The following MCOLN1 variants were observed in gnomAD, a reference collection of about 807,000 sequenced individuals.
MCOLN1 encodes the protein mucolipin TRP cation channel 1, also known as mucolipin-1.
MCOLN1 carries 50 observed loss-of-function variants against 70.3 expected under a neutral mutation model. The observed-to-expected ratio is 0.71, with a 90% CI of 0.57 to 0.90. The LOEUF (loss-of-function observed/expected upper bound fraction) is 0.90, where lower values mean the gene tolerates loss of function less well. Among genes scored for constraint, MCOLN1 ranks in the 40% least tolerant of loss-of-function variants. The probability of loss-of-function intolerance (pLI) is 0.00; values close to 1 mark genes in which losing one functional copy is unlikely to be tolerated. For synonymous variants in MCOLN1, 366 were observed against 341.0 expected, an observed-to-expected ratio of 1.07 and a Z score of -0.81; for missense variants, 598 against 803.5, an observed-to-expected ratio of 0.74 and a Z score of 3.09.
In MCOLN1 at chr19:7,529,696, G is replaced by A. The variant is rs1281289805; in HGVS notation, c.1343G>A (p.Gly448Glu). 1 of 1,614,140 alleles carries A rather than the reference G, an allele frequency of 6.2e-7. No homozygotes were observed. Among genetic ancestry groups the A allele is most frequent in the Non-Finnish European group, 8.5e-7 (1 of 1,179,990 alleles). ...TGCTTCTGTGGCTGGATCGTGCTGG[G>A]GCCCTATCATGTGAAGGTACATCTA... The part of the protein sequence containing the change: ...GYCFCGWIVL[G>E]PYHVKFRSLS... The change falls in exon 11 of 14, where the codon GGG becomes GAG. Residue 448 changes from glycine to glutamate, a missense_variant. Gly to Glu is a moderately conservative substitution (Grantham distance 98). Transcript: ENST00000264079.
intron 12 of MCOLN1, among the ~76,000 whole-genome samples, chr19:7,532,868 C>T (rs1599257588): frequency 2.0e-5 from 3 of 152,326 alleles, no homozygotes; most frequent in African/African-American, 7.2e-5. Flanking sequence ...ATACTTCCAT[C>T]GCCTCTAGAC....
In MCOLN1 at chr19:7,526,565, C is replaced by T. The variant is rs144305157; in HGVS notation, c.364C>T (p.Arg122Trp). ...GADDTFAAYT[R>W]EQLYQAIFHA... Reference sequence around the variant, plus strand: ...GGATGACACCTTCGCAGCCTACACGCGGGAGCAGCTGTACCAGGCCATCTT... The same window carrying T: ...GGATGACACCTTCGCAGCCTACACGTGGGAGCAGCTGTACCAGGCCATCTT... Residue 122 changes from arginine to tryptophan, a missense_variant, in exon 3 of 14, where the codon CGG becomes TGG. Arg to Trp is a moderately radical substitution (Grantham distance 101, BLOSUM62 -3). Around this residue, in one of 3 missense-constraint regions of MCOLN1, gnomAD observed 461 missense variants for 588.4 expected, o/e 0.78. Coordinates refer to ENST00000264079, the MANE Select transcript of MCOLN1 (RefSeq NM_020533.3). This position sits in a 1 kb window ranked among gnomAD's most constrained non-coding sequence, Gnocchi z 4.6. 1.7e-5 allele frequency: 27 copies of T among 1,613,902 alleles called. No individual in the cohort carries two copies. Among genetic ancestry groups the T allele is most frequent in the South Asian group, 3.3e-5 (3 of 91,080 alleles).
At position 7,528,863 on chromosome 19, in the gene MCOLN1, A is replaced by G; in HGVS notation, c.1027A>G (p.Ser343Gly). ...GTGGCGGCAGCGGGGACGGGTCATC[A>G]GCCTGTGGGAGCGGCTGGAATTTGT... ...FMWRQRGRVI[S>G]LWERLEFVNG... The change falls in exon 9 of 14, where the codon AGC (serine) becomes GGC (glycine). Residue 343 changes from serine to glycine, a missense_variant. Coordinates refer to ENST00000264079, the MANE Select transcript of MCOLN1 (RefSeq NM_020533.3). The surrounding 1 kb of genome is among the most constrained non-coding windows in gnomAD (Gnocchi z 4.2). 2 of 1,614,204 alleles carry G rather than the reference A, an allele frequency of 1.2e-6. No individual in the cohort carries two copies. Among genetic ancestry groups the G allele is most frequent in the South Asian group, 2.2e-5 (2 of 91,088 alleles).
chr19:7,528,425 C>T lies in MCOLN1; in HGVS notation c.877+168C>T, dbSNP rs1175364219. Among the ~76,000 whole-genome samples, 1 of 152,196 alleles carries T rather than the reference C, an allele frequency of 6.6e-6. No homozygotes were observed. Among genetic ancestry groups the T allele is most frequent in the Non-Finnish European group, 1.5e-5 (1 of 68,030 alleles). On this transcript the variant is annotated intron_variant, in intron 7 of 13. Coordinates refer to ENST00000264079, the MANE Select transcript of MCOLN1 (RefSeq NM_020533.3). This position sits in a 1 kb window ranked among gnomAD's most constrained non-coding sequence, Gnocchi z 4.2. ...CGTCCTGTGCTGAGATCCCCCAAGC[C>T]CCAGACCAGCACTGACCGGGGTTCT...
In MCOLN1 at chr19:7,528,312, A is replaced by G. The variant is rs1167266035; in HGVS notation, c.877+55A>G. On this transcript the variant is annotated intron_variant, in intron 7 of 13. Coordinates refer to ENST00000264079, the MANE Select transcript of MCOLN1 (RefSeq NM_020533.3). This position sits in a 1 kb window ranked among gnomAD's most constrained non-coding sequence, Gnocchi z 4.2. ...ACCAGGGGCCCTGGCCTGTCCTGGG[A>G]TTCCCCAAGCCCCAGATCAGCGCTG... 13 of 1,537,214 alleles carry G rather than the reference A, an allele frequency of 8.5e-6. No homozygotes were observed. Among genetic ancestry groups the G allele is most frequent in the Non-Finnish European group, 9.9e-6 (11 of 1,111,850 alleles).
Position 7,528,617 on chromosome 19 carries a change from C to T in MCOLN1, c.898C>T (p.Leu300=), listed in dbSNP as rs1257662413. The T allele has an allele frequency of 1.2e-6, 2 of 1,614,268 alleles. No homozygotes were observed. The highest frequency in any genetic ancestry group is 1.7e-6 in the Non-Finnish European group (2 of 1,180,046). The change falls in exon 8 of 14, where the codon CTG becomes TTG. Residue 300 remains leucine, a synonymous_variant. Coordinates refer to ENST00000264079, the MANE Select transcript of MCOLN1 (RefSeq NM_020533.3). This position sits in a 1 kb window ranked among gnomAD's most constrained non-coding sequence, Gnocchi z 4.2. The part of the protein sequence containing the change: ...FQHGDNSFRL[L]FDVVVILTCS... ...CGCAGGAGACAACAGCTTCCGGCTCCTGTTTGACGTGGTGGTCATCCTCAC... is the reference window on the plus strand; with the variant it reads ...CGCAGGAGACAACAGCTTCCGGCTCTTGTTTGACGTGGTGGTCATCCTCAC...
chr19:7,522,630 C>G lies in MCOLN1; in HGVS notation c.-121C>G. 9.5e-7 allele frequency: 1 copy of G among 1,056,708 alleles called. No homozygotes were observed. The highest frequency in any genetic ancestry group is 1.8e-5 in the South Asian group (1 of 55,184). The allele number at this position is 1,056,708 out of a possible 1,614,324, so 65.5% of individuals were successfully genotyped here. A position where few individuals can be genotyped will look rare whatever the true frequency, so the allele number is the denominator to read the frequency against. ...CGGGTCACGTGACCGAGGCACAGAT[C>G]AGCTGATGCCGGAGGGTTTGAAGCC... On this transcript the variant is annotated 5_prime_UTR_variant, in exon 1 of 14. In the 5' UTR this introduces an upstream ATG that the reference lacks. Transcript: ENST00000264079.
In MCOLN1 at chr19:7,533,571, GCA is replaced by G; in HGVS notation, c.1627_1628del (p.Gln543ValfsTer64). On this transcript the variant is annotated frameshift_variant, in exon 13 of 14. Coordinates refer to ENST00000264079, the MANE Select transcript of MCOLN1 (RefSeq NM_020533.3). LOFTEE classifies it high-confidence loss of function. ...AEESELQAYI[A>X]QCQDSPTSGK... ...GGAGAGCGAGCTGCAGGCCTACATC[GCA>G]CAGTGCCAGGACAGCCCCACCTCCG... The G allele has an allele frequency of 1.2e-6, 2 of 1,612,630 alleles. No homozygotes were observed. The highest frequency in any genetic ancestry group is 2.2e-5 in the East Asian group (1 of 44,892).
In MCOLN1 at chr19:7,526,733, C is replaced by T; in HGVS notation, c.406-28C>T. ...TGGGCTGCAGAGAGCGGGCCGGACT[C>T]ACAGGCCCTCCCCTTCTCTGCCCAC... On this transcript the variant is annotated intron_variant, in intron 3 of 13. Coordinates refer to ENST00000264079, the MANE Select transcript of MCOLN1 (RefSeq NM_020533.3). This position sits in a 1 kb window ranked among gnomAD's most constrained non-coding sequence, Gnocchi z 4.6. The T allele has an allele frequency of 6.2e-7, 1 of 1,612,380 alleles. No homozygotes were observed. The highest frequency in any genetic ancestry group is 8.5e-7 in the Non-Finnish European group (1 of 1,179,964).
Position 7,526,845 on chromosome 19 carries a change from G to A in MCOLN1, c.490G>A (p.Ala164Thr), listed in dbSNP as rs199940548. 1.4e-4 allele frequency: 227 copies of A among 1,614,092 alleles called. No homozygotes were observed. Among genetic ancestry groups the A allele is most frequent in the Non-Finnish European group, 1.8e-4 (218 of 1,180,040 alleles). The change falls in exon 4 of 14, where the codon GCT (alanine) becomes ACT (threonine). Residue 164 changes from alanine to threonine, a missense_variant. Ala to Thr is a moderately conservative substitution (Grantham distance 58). This residue lies in a region of MCOLN1 where 461 missense variants were observed against 588.4 expected (regional missense o/e 0.78). Coordinates refer to ENST00000264079, the MANE Select transcript of MCOLN1 (RefSeq NM_020533.3). This position sits in a 1 kb window ranked among gnomAD's most constrained non-coding sequence, Gnocchi z 4.6. ...CCCTTGGACCAATGGCTCAGGGCTT[G>A]CTCTCTGCCAGCGGTACTACCACCG... ...GDPWTNGSGL[A>T]LCQRYYHRGH...
At chr19:7,530,558 T>C (rs976349330) in intron 12 of MCOLN1, 57 bp downstream of exon 12, 1 of 1,491,358 alleles carries the variant, frequency 6.7e-7, no homozygotes, top group East Asian at 2.3e-5. Flanking sequence ...GAGTCTGCCA[T>C]GAGGGGGTCT....
intron 1 of MCOLN1, among the ~76,000 whole-genome samples, chr19:7,523,529 T>C (rs1463685572): frequency 6.6e-6 from 1 of 152,226 alleles, no homozygotes; most frequent in Non-Finnish European, 1.5e-5. Flanking sequence ...CGGGAACTTG[T>C]CCCTCTCTGC....
chr19:7,529,536 GCTGACCTGAGTTGT>G, intron 10 of MCOLN1, 40 bp from the exon 11 acceptor site: 1 of 793,874 alleles, frequency 1.3e-6, no homozygotes, highest in Non-Finnish European at 1.9e-6. Context: ...GGTGCCCACA[GCTGACCTGAGTTGT>G]GGCCACACCC....
chr19:7,525,640 C>T lies in MCOLN1; in HGVS notation c.237+474C>T. On this transcript the variant is annotated intron_variant, in intron 2 of 13. Transcript: ENST00000264079. This position sits in a 1 kb window ranked among gnomAD's most constrained non-coding sequence, Gnocchi z 4.2. ...GGCTGCACAGATAGTTCTCCCTCCC[C>T]CATGCCAGACCCTGTGCTGGGCTCT... 4.7e-6 allele frequency: 1 copy of T among 211,620 alleles called. No homozygotes were observed. Among genetic ancestry groups the T allele is most frequent in the South Asian group, 6.5e-5 (1 of 15,466 alleles). The allele number at this position is 211,620 out of a possible 1,614,324, so 13.1% of individuals were successfully genotyped here.
In MCOLN1 at chr19:7,529,618, T is replaced by C; in HGVS notation, c.1265T>C (p.Leu422Pro). Residue 422 changes from leucine to proline, a missense_variant, in exon 11 of 14, where the codon CTG (leucine) becomes CCG (proline). Coordinates refer to ENST00000264079, the MANE Select transcript of MCOLN1 (RefSeq NM_020533.3). Reference sequence around the variant, plus strand: ...CTCATCGCCACACTGCGGGTGGCCCTGCCCAGCGTCATGCGCTTCTGCTGC... The same window carrying C: ...CTCATCGCCACACTGCGGGTGGCCCCGCCCAGCGTCATGCGCTTCTGCTGC... ...NILIATLRVALPSVMRFCCCV... is the reference protein window; with the variant it reads ...NILIATLRVAPPSVMRFCCCV... 1 of 1,608,896 alleles carries C rather than the reference T, an allele frequency of 6.2e-7. No homozygotes were observed. The highest frequency in any genetic ancestry group is 8.5e-7 in the Non-Finnish European group (1 of 1,176,984).
chr19:7,529,289 C>T (rs2022619400), intron 10 of MCOLN1, 87 bp downstream of exon 10: 1 of 1,231,030 alleles, frequency 8.1e-7, no homozygotes, highest in African/African-American at 1.5e-5. Context: ...CTCACCAGCC[C>T]CGGCCAATGG....
At position 7,526,891 on chromosome 19, in the gene MCOLN1, A is replaced by G; in HGVS notation, c.536A>G (p.Asn179Ser). ...CACCGAGGCCACGTGGACCCGGCCA[A>G]CGACACATTTGACATTGATCCGATG... Reference protein sequence around the residue: ...YYHRGHVDPANDTFDIDPMVV... With the variant: ...YYHRGHVDPASDTFDIDPMVV... Residue 179 changes from asparagine (N) to serine (S), a missense_variant, in exon 4 of 14, where the codon AAC becomes AGC. Physicochemically the swap from Asn to Ser is conservative, Grantham distance 46. Transcript: ENST00000264079. The surrounding 1 kb of genome is among the most constrained non-coding windows in gnomAD (Gnocchi z 4.6). The G allele has an allele frequency of 1.2e-6, 2 of 1,613,854 alleles. No individual in the cohort carries two copies. Among genetic ancestry groups the G allele is most frequent in the South Asian group, 1.1e-5 (1 of 91,064 alleles).
At chr19:7,533,171 C>T (rs1315174695) in intron 12 of MCOLN1, among the ~76,000 whole-genome samples, 17 of 152,246 alleles carry the variant, frequency 1.1e-4, no homozygotes, top group Non-Finnish European at 2.5e-4. Flanking sequence ...CTCAGGTGGG[C>T]AGTCTCAGGC....
chr19:7,524,974 T>G lies in MCOLN1; in HGVS notation c.45T>G (p.Leu15=). The G allele has an allele frequency of 7.4e-6, 12 of 1,613,624 alleles. No individual in the cohort carries two copies. Among genetic ancestry groups the G allele is most frequent in the Non-Finnish European group, 1.0e-5 (12 of 1,179,924 alleles). Residue 15 remains leucine (L), a synonymous_variant, in exon 2 of 14, where the codon CTT becomes CTG. Transcript: ENST00000264079. This position sits in a 1 kb window ranked among gnomAD's most constrained non-coding sequence, Gnocchi z 4.1. Reference sequence around the variant, plus strand: ...CTATTCCCACAGAGACCGAGCGGCTTCTGACCCCCAACCCCGGGTATGGGA... The same window carrying G: ...CTATTCCCACAGAGACCGAGCGGCTGCTGACCCCCAACCCCGGGTATGGGA... The part of the protein sequence containing the change: ...AGPRGSETER[L]LTPNPGYGTQ...
Sources: gnomAD v4.1 joint callset for allele counts (sites outside exome capture counted in the v4.1 genomes callset) on GRCh38, gnomAD v4.1.1 for gene constraint, gnomAD v4.1.1 regional missense constraint, Gnocchi (gnomAD v3.1) non-coding constraint, MANE v1.5 for transcripts, NCBI Gene and HGNC (gene_info 2026-07-23, HGNC 2026-07-21) for gene names.